The following MUS81 variants were observed in gnomAD, a reference collection of about 807,000 sequenced individuals.
The protein encoded by MUS81 is MUS81 structure-specific endonuclease subunit.
In MUS81, 69 loss-of-function variants were observed where a neutral mutation model predicts 74.2. That is an observed-to-expected ratio of 0.93 (90% confidence interval 0.77 to 1.14). The LOEUF is 1.14. Among genes scored for constraint, MUS81 ranks in the 50% most tolerant of loss-of-function variants. MUS81 has a pLI of 0.00. For missense variants in MUS81, 711 were observed against 726.5 expected (o/e 0.98, Z 0.25); for synonymous variants, 303 against 300.6 (o/e 1.01, Z -0.08).
At chr11:65,862,679 G>A (rs1454614408) in intron 6 of MUS81, 150 bp downstream of exon 6, 7 of 770,130 alleles carry the variant, frequency 9.1e-6, no homozygotes, top group Non-Finnish European at 1.1e-5. Context: ...TACCTGGAGG[G>A]TGTGAAACCG....
Position 65,861,407 on chromosome 11 carries a change from T to C in MUS81, c.323T>C (p.Leu108Pro), listed in dbSNP as rs892851272. The change falls in exon 3 of 16, where the codon CTT (leucine) becomes CCT (proline). Residue 108 changes from leucine to proline, a missense_variant. By Grantham distance (98) the Leu-to-Pro change is moderately conservative. Transcript: ENST00000308110. ...AACAGTCCAGCCCCGCAGGGGCGAC[T>C]TGCGGAAGTCCAGGACTCTTCCATG... ...GENSPAPQGR[L>P]AEVQDSSMPV... 1 of 1,605,062 alleles carries C rather than the reference T, an allele frequency of 6.2e-7. No homozygotes were observed. Among genetic ancestry groups the C allele is most frequent in the Non-Finnish European group, 8.5e-7 (1 of 1,174,916 alleles).
Position 65,860,672 on chromosome 11 carries a change from C to G in MUS81, c.-82C>G. On this transcript the variant is annotated 5_prime_UTR_variant, in exon 1 of 16. Coordinates refer to ENST00000308110, the MANE Select transcript of MUS81 (RefSeq NM_025128.5). ...CCTCTTCCCCCGCCCCGCCCTGGGC[C>G]AGGTGTTCGAATCCCGACTCCAGAA... is the stretch of plus-strand genomic sequence containing the variant. 1.3e-6 allele frequency: 2 copies of G among 1,523,644 alleles called. No homozygotes were observed. Among genetic ancestry groups the G allele is most frequent in the Non-Finnish European group, 1.8e-6 (2 of 1,137,906 alleles). The allele number at this position is 1,523,644 out of a possible 1,614,324, so 94.4% of individuals were successfully genotyped here.
At position 65,863,626 on chromosome 11, in the gene MUS81, G is replaced by T; in HGVS notation, c.866G>T (p.Arg289Leu). The change falls in exon 9 of 16, where the codon CGA (arginine) becomes CTA (leucine). Residue 289 changes from arginine (R) to leucine (L), a missense_variant. By Grantham distance (102) the Arg-to-Leu change is moderately radical. Coordinates refer to ENST00000308110, the MANE Select transcript of MUS81 (RefSeq NM_025128.5). ...GGCGGGCACAGGCCGGAGCTGCTCC[G>T]AGAGCTACAGCGGCTGCACGTGACC... ...RGGGHRPELL[R>L]ELQRLHVTHT... 1 of 1,613,976 alleles carries T rather than the reference G, an allele frequency of 6.2e-7. No individual in the cohort carries two copies. Among genetic ancestry groups the T allele is most frequent in the Middle Eastern group, 1.7e-4 (1 of 6,058 alleles).
chr11:65,861,668 C>T, intron 3 of MUS81: 2 of 601,688 alleles, frequency 3.3e-6, no homozygotes, highest in African/African-American at 1.9e-5. Context: ...CAGTTAGTTA[C>T]GGGGTCACCA....
chr11:65,860,869 C>G lies in MUS81; in HGVS notation c.116C>G (p.Thr39Arg), dbSNP rs780522545. The stretch of plus-strand genomic sequence containing the variant: ...GAGGCGACCCGCAGCAGGCGCCGCA[C>G]GCGCTTCGTATTTCAGAAGGTGGGT... The part of the protein sequence containing the change: ...RDEATRSRRR[T>R]RFVFQKALRS... The change falls in exon 1 of 16, where the codon ACG (threonine) becomes AGG (arginine). Residue 39 changes from threonine to arginine, a missense_variant. Physicochemically the swap from Thr to Arg is moderately conservative, Grantham distance 71. Transcript: ENST00000308110. The G allele has an allele frequency of 1.3e-6, 2 of 1,560,916 alleles. No homozygotes were observed. The highest frequency in any genetic ancestry group is 8.7e-7 in the Non-Finnish European group (1 of 1,155,750).
Position 65,862,439 on chromosome 11 carries a change from C to T in MUS81, c.520-5C>T. ...CTCTCTGAGGGTCTCTTTTCTGATC[C>T]ACAGGTAGCCCCTGGGAGTGCTCGA... On this transcript the variant is annotated splice_region_variant and splice_polypyrimidine_tract_variant and intron_variant, in intron 5 of 15. Coordinates refer to ENST00000308110, the MANE Select transcript of MUS81 (RefSeq NM_025128.5). 3 of 1,612,948 alleles carry T rather than the reference C, an allele frequency of 1.9e-6. No individual in the cohort carries two copies. The highest frequency in any genetic ancestry group is 2.5e-6 in the Non-Finnish European group (3 of 1,179,052).
chr11:65,866,111 C>T lies in MUS81; in HGVS notation c.*59C>T. On this transcript the variant is annotated 3_prime_UTR_variant, in exon 16 of 16. Transcript: ENST00000308110. ...TGTCCCCCAACCCAGGCTAGCCAGC[C>T]TTTTAACAACATCTTTTGGGGTACA... 2.0e-6 allele frequency: 3 copies of T among 1,490,528 alleles called. No homozygotes were observed. The highest frequency in any genetic ancestry group is 2.8e-6 in the Non-Finnish European group (3 of 1,088,074). The allele number at this position is 1,490,528 out of a possible 1,614,324, so 92.3% of individuals were successfully genotyped here.
downstream of MUS81, chr11:65,867,537 A>G: frequency 6.6e-6 from 3 of 457,576 alleles, no homozygotes; most frequent in South Asian, 6.3e-5. Context: ...CCTCCCACCT[A>G]ACAGATCCAC....
rs148465534 is a variant in MUS81, at chr11:65,862,011, G to A, written c.416G>A (p.Arg139Gln). 2,507 of 1,610,562 alleles carry A rather than the reference G, an allele frequency of 1.6e-3. 11 individuals are homozygous for A. Among genetic ancestry groups the A allele is most frequent in the Middle Eastern group, 0.011 (64 of 6,044 alleles). ...TGGCCAGCTCGGCACTCAGGAGCCC[G>A]AGTGATACTGCTGGTGCTCTACCGG... ...SYWPARHSGARVILLVLYREH... is the reference protein window; with the variant it reads ...SYWPARHSGAQVILLVLYREH... The change falls in exon 4 of 16, where the codon CGA (arginine) becomes CAA (glutamine). Residue 139 changes from arginine (R) to glutamine (Q), a missense_variant. Coordinates refer to ENST00000308110, the MANE Select transcript of MUS81 (RefSeq NM_025128.5).
rs1859828537 is a variant in MUS81 at position 65,866,159 on chromosome 11, C to T, written c.*107C>T. On this transcript the variant is annotated 3_prime_UTR_variant, in exon 16 of 16. Coordinates refer to ENST00000308110, the MANE Select transcript of MUS81 (RefSeq NM_025128.5). ...ACAATTAGAATCTAAGTGTTTGCAG[C>T]CATATGTGTCATGTAGAAGATGCCT... 2.6e-5 allele frequency: 29 copies of T among 1,097,676 alleles called. No individual in the cohort carries two copies. The South Asian group carries it at 3.8e-4, about 14-fold the overall frequency. 68.0% of individuals were successfully genotyped at this position (1,097,676 alleles called of 1,614,324 possible).
At position 65,862,513 on chromosome 11, in the gene MUS81, A is replaced by T; in HGVS notation, c.589A>T (p.Thr197Ser). The change falls in exon 6 of 16, where the codon ACA becomes TCA. Residue 197 changes from threonine to serine, a missense_variant. By Grantham distance (58) the Thr-to-Ser change is moderately conservative. Transcript: ENST00000308110. ...CCTTCACAGGAACCTGGTCCTCAGGACACACCAGCCAGCCAGGTGGGGCCA... is the reference window on the plus strand; with the variant it reads ...CCTTCACAGGAACCTGGTCCTCAGGTCACACCAGCCAGCCAGGTGGGGCCA... ...SLLHRNLVLRTHQPARYSLTP... is the reference protein window; with the variant it reads ...SLLHRNLVLRSHQPARYSLTP... The T allele has an allele frequency of 6.2e-7, 1 of 1,613,594 alleles. No homozygotes were observed. The highest frequency in any genetic ancestry group is 1.1e-5 in the South Asian group (1 of 91,084).
At chr11:65,867,228 C>T, downstream of MUS81, 4 of 861,954 alleles carry the variant, frequency 4.6e-6, no homozygotes, top group Admixed American at 6.5e-5. Flanking sequence ...AGCTCTTTGA[C>T]ACCCTCGATG....
At chr11:65,865,671 G>A in intron 14 of MUS81, 140 bp from the exon 15 acceptor site, 1 of 875,444 alleles carries the variant, frequency 1.1e-6, no homozygotes, top group South Asian at 1.6e-5. Context: ...GGCTGGCATG[G>A]GGCCTTGAGT....
intron 14 of MUS81, chr11:65,865,568 A>G: frequency 1.6e-6 from 1 of 624,590 alleles, no homozygotes; most frequent in South Asian, 2.0e-5. Context: ...GGCTTCCTGG[A>G]GAAGGGGTTG....
chr11:65,867,068 G>A (rs1466076983), downstream of MUS81: 13 of 1,613,978 alleles, frequency 8.1e-6, no homozygotes, highest in Non-Finnish European at 1.0e-5. Flanking sequence ...TGGCGCTGAC[G>A]TTGTTGATTT....
rs1859545480 is a variant in MUS81, at chr11:65,860,494, G to A, written c.-260G>A. 1.0e-5 allele frequency: 6 copies of A among 577,708 alleles called. 1 individual carries two copies. The highest frequency in any genetic ancestry group is 1.9e-5 in the Non-Finnish European group (6 of 320,724). The allele number at this position is 577,708 out of a possible 1,614,324, so 35.8% of individuals were successfully genotyped here. On this transcript the variant is annotated 5_prime_UTR_variant, in exon 1 of 16. Coordinates refer to ENST00000308110, the MANE Select transcript of MUS81 (RefSeq NM_025128.5). ...AAAGGGCGCGTCTCAAAGGCTGGCT[G>A]GAGTGGAGCCAAGGGAAAAGATCGT...
Position 65,863,736 on chromosome 11 carries a change from A to G in MUS81, c.961+15A>G. ...TAGAGACCCAGGTGAAGGGCCGTGG[A>G]CAGGCTGGCACCAGGGGCAGGGCCT... On this transcript the variant is annotated intron_variant, in intron 9 of 15. Coordinates refer to ENST00000308110, the MANE Select transcript of MUS81 (RefSeq NM_025128.5). The G allele has an allele frequency of 2.5e-6, 4 of 1,614,142 alleles. No individual in the cohort carries two copies. Among genetic ancestry groups the G allele is most frequent in the Non-Finnish European group, 3.4e-6 (4 of 1,180,000 alleles).
Position 65,860,658 on chromosome 11 carries a change from G to A in MUS81, c.-96G>A. 6.6e-7 allele frequency: 1 copy of A among 1,507,878 alleles called. No homozygotes were observed. Among genetic ancestry groups the A allele is most frequent in the East Asian group, 2.5e-5 (1 of 40,620 alleles). 93.4% of individuals were successfully genotyped at this position (1,507,878 alleles called of 1,614,324 possible). On this transcript the variant is annotated 5_prime_UTR_variant, in exon 1 of 16. Coordinates refer to ENST00000308110, the MANE Select transcript of MUS81 (RefSeq NM_025128.5). ...CTGCCCTCGGTCTCCCTCTTCCCCC[G>A]CCCCGCCCTGGGCCAGGTGTTCGAA... is the stretch of plus-strand genomic sequence containing the variant.
rs1859784915 is a variant in MUS81 at position 65,865,292 on chromosome 11, GCCCTGGTGGATCGATACAGCAC to G, written c.1480_1501del (p.Val494ProfsTer20). 1.2e-6 allele frequency: 2 copies of G among 1,614,134 alleles called. No individual in the cohort carries two copies. On this transcript the variant is annotated frameshift_variant, in exon 14 of 16. Transcript: ENST00000308110. LOFTEE classifies it high-confidence loss of function. ...CGGAGTGAGTGGGGAGAAGGCAGCAGCCCTGGTGGATCGATACAGCACCCCTGCCAGGTAGGCCCTAAAGGGC... is the reference window on the plus strand; with the variant it reads ...CGGAGTGAGTGGGGAGAAGGCAGCAGCCCTGCCAGGTAGGCCCTAAAGGGC...
Sources: gnomAD v4.1 joint callset for allele counts on GRCh38, gnomAD v4.1.1 for gene constraint, MANE v1.5 for transcripts, NCBI Gene and HGNC (gene_info 2026-07-23, HGNC 2026-07-21) for gene names.